POLN: variants seen among roughly 807,000 people sequenced by gnomAD.
The protein encoded by POLN is DNA polymerase nu.
POLN carries 108 observed loss-of-function variants against 113.5 expected under a neutral mutation model. The observed-to-expected ratio is 0.95, with a 90% CI of 0.81 to 1.12. The LOEUF (loss-of-function observed/expected upper bound fraction) is 1.12, where lower values mean the gene tolerates loss of function less well. POLN is among the 50% of genes most tolerant of loss of function. The pLI is 0.00. For missense variants in POLN, 1,097 were observed against 1,077.1 expected, an observed-to-expected ratio of 1.02 and a Z score of -0.26; for synonymous variants, 386 against 391.5, an observed-to-expected ratio of 0.99 and a Z score of 0.17.
chr4:2,186,685 G>A (rs1049125441), intron 7 of POLN, among the ~76,000 whole-genome samples: 6 of 152,094 alleles, frequency 3.9e-5, no homozygotes, highest in African/African-American at 7.2e-5. Flanking sequence ...ACAAAAAAAC[G>A]AATCCTTCAA....
rs1730777851 is a variant in POLN, at chr4:2,095,891, C to T, written c.2025G>A (p.Glu675=). 3.1e-6 allele frequency: 5 copies of T among 1,613,968 alleles called. No individual in the cohort carries two copies. Among genetic ancestry groups the T allele is most frequent in the Admixed American group, 1.7e-5 (1 of 59,998 alleles). The part of the protein sequence containing the change: ...PVEQVTHADR[E]QTKKVVYAVV... ...CCGCGTACACCACCTTCTTGGTTTG[C>T]TCTCTGTCTGCGTGTGTCACCTGTT... Residue 675 remains glutamate (E), a synonymous_variant, in exon 20 of 26, where the codon GAG becomes GAA. Coordinates refer to ENST00000511885, the MANE Select transcript of POLN (RefSeq NM_181808.4).
At chr4:2,088,934 C>CT in intron 20 of POLN, 2 of 1,067,998 alleles carry the variant, frequency 1.9e-6, no homozygotes, top group South Asian at 2.9e-5. Context: ...AGCTGAAGGT[C>CT]TAGCAGCAAC....
intron 7 of POLN, among the ~76,000 whole-genome samples, chr4:2,184,418 T>G (rs1733221745): frequency 6.6e-6 from 1 of 152,150 alleles, no homozygotes; most frequent in Non-Finnish European, 1.5e-5. Context: ...AAGAAAGATG[T>G]AAACCAGTGA....
At chr4:2,196,188 G>A (rs1041456350) in intron 6 of POLN, among the ~76,000 whole-genome samples, 7 of 152,092 alleles carry the variant, frequency 4.6e-5, no homozygotes, top group Non-Finnish European at 8.8e-5. Flanking sequence ...TGGGACATAC[G>A]TATACTAAGA....
At position 2,165,014 on chromosome 4, in the gene POLN, T is replaced by C. The variant is rs116674730; in HGVS notation, c.1554+5665A>G. Reference sequence around the variant, plus strand: ...TGGTGCAGCTACCCAGGAAGACAGTTTGGCGGTTTCTTACAAAACTAAATG... The same window carrying C: ...TGGTGCAGCTACCCAGGAAGACAGTCTGGCGGTTTCTTACAAAACTAAATG... On this transcript the variant is annotated intron_variant, in intron 13 of 25. Transcript: ENST00000511885. 3.7e-3 allele frequency among the ~76,000 whole-genome samples: 566 copies of C among 152,104 alleles called. 5 individuals are homozygous for C. Among genetic ancestry groups the C allele is most frequent in the African/African-American group, 0.013 (546 of 41,492 alleles).
intron 20 of POLN, among the ~76,000 whole-genome samples, chr4:2,095,069 C>T (rs1730752125): frequency 6.6e-6 from 1 of 151,870 alleles, no homozygotes; most frequent in South Asian, 2.1e-4. Context: ...CAGCATGACC[C>T]AGGGCCAGAA....
At chr4:2,134,346 A>G (rs1253150273) in intron 16 of POLN, among the ~76,000 whole-genome samples, 1 of 152,236 alleles carries the variant, frequency 6.6e-6, no homozygotes, top group Non-Finnish European at 1.5e-5. Context: ...TTGTGTGGAC[A>G]TAAGTTTTCA....
At position 2,216,263 on chromosome 4, in the gene POLN, T is replaced by TTGA. The variant is rs564481930; in HGVS notation, c.134-3140_134-3138dup. ...TGCCCCTGCTGGAAAGGTTTTCCCT[T>TTGA]TGAGAGTCAAGACCTTTAAACCTTA... On this transcript the variant is annotated intron_variant, in intron 3 of 25. Coordinates refer to ENST00000511885, the MANE Select transcript of POLN (RefSeq NM_181808.4). 4.6e-5 allele frequency among the ~76,000 whole-genome samples: 7 copies of TTGA among 152,326 alleles called. No individual in the cohort carries two copies. The East Asian group carries it at 1.3e-3, about 29-fold the overall frequency.
chr4:2,208,329 T>G lies in POLN; in HGVS notation c.372A>C (p.Gln124His). 1 of 1,611,934 alleles carries G rather than the reference T, an allele frequency of 6.2e-7. No homozygotes were observed. The highest frequency in any genetic ancestry group is 1.3e-5 in the African/African-American group (1 of 74,936). ...LSSCLIPQYN[Q>H]EASVLQKKGH... ...CCTTTTTCTGTAGAACTGAAGCCTC[T>G]TGATTATACTGTGGAATTAAACAAC... Residue 124 changes from glutamine to histidine, a missense_variant, in exon 5 of 26, where the codon CAA (glutamine) becomes CAC (histidine). Transcript: ENST00000511885.
At chr4:2,120,619 G>A (rs765551497) in intron 19 of POLN, among the ~76,000 whole-genome samples, 25 of 151,782 alleles carry the variant, frequency 1.6e-4, no homozygotes, top group African/African-American at 2.9e-4. Flanking sequence ...TCAGTCTCTC[G>A]AATAATTGGG....
chr4:2,077,883 G>A (rs1266462357), intron 23 of POLN, among the ~76,000 whole-genome samples: 1 of 152,174 alleles, frequency 6.6e-6, no homozygotes, highest in African/African-American at 2.4e-5. Context: ...ATGAATGCAG[G>A]GCCTTGGATC....
rs1418179710 is a variant in POLN at position 2,213,104 on chromosome 4, G to A, written c.156C>T (p.Ser52=). 9 of 1,604,376 alleles carry A rather than the reference G, an allele frequency of 5.6e-6. No homozygotes were observed. ...STETMEVINK[S]SVKYSVQLED... ...CAAGTTGTACTGAATACTTAACACT[G>A]GACTTGTTTATCACTTCCATAGCTT... Residue 52 remains serine, a synonymous_variant, in exon 4 of 26, where the codon TCC becomes TCT. Transcript: ENST00000511885.
chr4:2,103,424 A>G (rs1209140909), intron 19 of POLN, among the ~76,000 whole-genome samples: 2 of 152,172 alleles, frequency 1.3e-5, no homozygotes, highest in Non-Finnish European at 2.9e-5. Flanking sequence ...AAAAAAGAAT[A>G]AAAAGAATGA....
chr4:2,119,549 GTTGATTTCT>G (rs1409845115), intron 19 of POLN, among the ~76,000 whole-genome samples: 1 of 152,100 alleles, frequency 6.6e-6, no homozygotes, highest in Non-Finnish European at 1.5e-5. Flanking sequence ...TGGCTTTATA[GTTGATTTCT>G]TTGATTTCTT....
intron 3 of POLN, among the ~76,000 whole-genome samples, chr4:2,221,451 G>A (rs1295971286): frequency 6.6e-6 from 1 of 152,236 alleles, no homozygotes; most frequent in Non-Finnish European, 1.5e-5. Context: ...AGGTTCACCT[G>A]AGACAAATGG....
intron 23 of POLN, 60 bp downstream of exon 23, chr4:2,080,898 G>A (rs1021176446): frequency 1.2e-6 from 2 of 1,611,584 alleles, no homozygotes; most frequent in African/African-American, 1.3e-5. Context: ...GCCCCGAGGG[G>A]GTCTTCCCAC....
intron 1 of POLN, 27 bp from the exon 2 acceptor site, chr4:2,241,817 C>T: frequency 1.0e-6 from 1 of 985,452 alleles, no homozygotes; most frequent in Non-Finnish European, 1.2e-6. Flanking sequence ...ACAAGCCCAC[C>T]GAATCGCCGT....
chr4:2,203,570 ACT>A (rs1733768678), intron 5 of POLN, among the ~76,000 whole-genome samples: 1 of 149,698 alleles, frequency 6.7e-6, no homozygotes, highest in African/African-American at 2.5e-5. Flanking sequence ...ACACAGCAAG[ACT>A]CTGTCTAAAA....
At chr4:2,207,103 C>G (rs1028433130) in intron 5 of POLN, among the ~76,000 whole-genome samples, 1 of 152,256 alleles carries the variant, frequency 6.6e-6, no homozygotes, top group South Asian at 2.1e-4. Flanking sequence ...TCACAGTGAC[C>G]TGGATGAGAT....
Sources: allele counts gnomAD v4.1 joint callset (sites outside exome capture counted in the v4.1 genomes callset), GRCh38; gene constraint gnomAD v4.1.1; transcripts MANE v1.5; gene names NCBI Gene and HGNC (gene_info 2026-07-23, HGNC 2026-07-21).